Variants in SNX5 observed in about 807,000 individuals in gnomAD.
SNX5 encodes sorting nexin-5.
A neutral mutation model predicts 53.9 loss-of-function variants in SNX5; 31 were observed. That is an observed-to-expected ratio of 0.58 (90% confidence interval 0.43 to 0.78). SNX5 has a LOEUF of 0.78. SNX5 is among the 30% of genes least tolerant of loss of function. The pLI is 0.00. For synonymous variants in SNX5, 168 were observed against 171.1 expected (o/e 0.98, Z 0.14); for missense variants, 471 against 478.8 (o/e 0.98, Z 0.15).
chr20:17,962,949 G>A (rs557597023), intron 1 of SNX5: 10 of 515,372 alleles, frequency 1.9e-5, no homozygotes, highest in South Asian at 1.4e-4. Context: ...CATTTCACAA[G>A]GCTGCAAGCC....
At position 17,950,125 on chromosome 20, in the gene SNX5, A is replaced by T. The variant is rs1407439631; in HGVS notation, c.791+7T>A. On this transcript the variant is annotated splice_region_variant and intron_variant, in intron 8 of 12. Coordinates refer to ENST00000377759, the MANE Select transcript of SNX5 (RefSeq NM_014426.4). ...GTTAGGGGAAATGCTTTTCCAAAAA[A>T]ACTTACTTTTTGATGACTGTGGGCT... is the stretch of plus-strand genomic sequence containing the variant. The T allele has an allele frequency of 1.9e-6, 3 of 1,613,758 alleles. No homozygotes were observed. Among genetic ancestry groups the T allele is most frequent in the Non-Finnish European group, 2.5e-6 (3 of 1,179,760 alleles).
chr20:17,951,269 A>T (rs776875773), intron 6 of SNX5: 3 of 484,254 alleles, frequency 6.2e-6, no homozygotes, highest in African/African-American at 1.9e-5. Flanking sequence ...AGAAAAGGAG[A>T]AAATGAAGCC....
rs947959788 is a variant in SNX5, at chr20:17,948,380, A to AT, written c.918+509dup. On this transcript the variant is annotated intron_variant, in intron 10 of 12. Coordinates refer to ENST00000377759, the MANE Select transcript of SNX5 (RefSeq NM_014426.4). ...ATAAAATTGCATGATGGGGGGAAAA[A>AT]TTTTTTTTACTCTTTTACTTTCTGA... Among the ~76,000 whole-genome samples, 61 of 152,226 alleles carry AT rather than the reference A, an allele frequency of 4.0e-4. 1 individual carries two copies. Among genetic ancestry groups the AT allele is most frequent in the African/African-American group, 1.4e-3 (57 of 41,544 alleles).
At chr20:17,964,289 A>G (rs950592075) in intron 1 of SNX5, among the ~76,000 whole-genome samples, 9 of 152,088 alleles carry the variant, frequency 5.9e-5, no homozygotes, top group Non-Finnish European at 1.3e-4. Flanking sequence ...TAGAATGCTT[A>G]GGAGTGTGCC....
chr20:17,961,169 T>C, intron 1 of SNX5: 4 of 985,446 alleles, frequency 4.1e-6, no homozygotes, highest in Non-Finnish European at 3.6e-6. Context: ...CTGGGGCACA[T>C]CAGACACTGG....
intron 7 of SNX5, 39 bp downstream of exon 7, chr20:17,950,252 T>A (rs1469386032): frequency 6.2e-7 from 1 of 1,611,970 alleles, no homozygotes; most frequent in Non-Finnish European, 8.5e-7. Flanking sequence ...ACAGCCAGGC[T>A]CATCAGCAAA....
intron 12 of SNX5, 93 bp from the exon 13 acceptor site, chr20:17,942,500 G>T: frequency 1.0e-6 from 1 of 959,914 alleles, no homozygotes; most frequent in South Asian, 1.3e-5. Context: ...CTTTTCACGG[G>T]AGGTTTAAAG....
In SNX5 at chr20:17,958,856, G is replaced by A. The variant is rs1447435360; in HGVS notation, c.52-1819C>T. Among the ~76,000 whole-genome samples, 5 of 152,152 alleles carry A rather than the reference G, an allele frequency of 3.3e-5. No individual in the cohort carries two copies. In the East Asian group the frequency reaches 7.7e-4, roughly 23 times the overall value. Reference sequence around the variant, plus strand: ...TCAAATCATTAACTGAGATGTGATTGCAGAGGCTATACCAACGACTCTACT... The same window carrying A: ...TCAAATCATTAACTGAGATGTGATTACAGAGGCTATACCAACGACTCTACT... On this transcript the variant is annotated intron_variant, in intron 1 of 12. Coordinates refer to ENST00000377759, the MANE Select transcript of SNX5 (RefSeq NM_014426.4).
At chr20:17,945,058 C>T (rs2039469078) in intron 11 of SNX5, 1 of 152,220 alleles carries the variant, frequency 6.6e-6, no homozygotes, top group Non-Finnish European at 1.5e-5. Flanking sequence ...ACCCTCCTTC[C>T]TGTCTCTACA....
chr20:17,950,292 T>C lies in SNX5; in HGVS notation c.714A>G (p.Lys238=). The C allele has an allele frequency of 1.2e-6, 2 of 1,611,406 alleles. No homozygotes were observed. The highest frequency in any genetic ancestry group is 1.3e-5 in the African/African-American group (1 of 74,982). Residue 238 remains lysine (K), a splice_region_variant and synonymous_variant, in exon 7 of 13, where the codon AAA becomes AAG. Coordinates refer to ENST00000377759, the MANE Select transcript of SNX5 (RefSeq NM_014426.4). ...VKADKMTRSH[K]NVADDYIHTA... The stretch of plus-strand genomic sequence containing the variant: ...TGACTAGCGGTAAATGATATTTACT[T>C]TTATGAGATCTGGTCATTTTGTCAG...
chr20:17,968,332 G>C, intron 1 of SNX5, 43 bp downstream of exon 1: 1 of 1,250,136 alleles, frequency 8.0e-7, no homozygotes, highest in Non-Finnish European at 1.0e-6. Context: ...CCCGGAGCTC[G>C]CAGGGCCGCC....
intron 12 of SNX5, chr20:17,942,719 G>T (rs1004898237): frequency 1.7e-5 from 7 of 412,248 alleles, no homozygotes; most frequent in Non-Finnish European, 2.6e-5. Flanking sequence ...CTATCAGTGC[G>T]TTGTTCCATG....
intron 1 of SNX5, among the ~76,000 whole-genome samples, chr20:17,966,549 G>T (rs2035540528): frequency 6.6e-6 from 1 of 152,202 alleles, no homozygotes; most frequent in Non-Finnish European, 1.5e-5. Flanking sequence ...AGACACGACT[G>T]ACACAGTATT....
chr20:17,953,904 C>A, intron 4 of SNX5, 92 bp downstream of exon 4: 1 of 1,146,690 alleles, frequency 8.7e-7, no homozygotes, highest in Non-Finnish European at 1.3e-6. Flanking sequence ...GCACTTAAAA[C>A]AAAATTAAGT....
intron 11 of SNX5, chr20:17,945,221 C>G (rs1401904355): frequency 1.3e-5 from 2 of 152,212 alleles, no homozygotes; most frequent in Non-Finnish European, 2.9e-5. Flanking sequence ...TCCCTGCCTT[C>G]CTCTAGACCT....
chr20:17,943,049 C>T, intron 12 of SNX5, 61 bp downstream of exon 12: 2 of 1,221,542 alleles, frequency 1.6e-6, no homozygotes, highest in South Asian at 2.5e-5. Context: ...GGTTAGTAAA[C>T]TGGGAAATAA....
intron 1 of SNX5, among the ~76,000 whole-genome samples, chr20:17,958,633 T>C (rs930810752): frequency 6.6e-6 from 1 of 152,218 alleles, no homozygotes; most frequent in African/African-American, 2.4e-5. Context: ...CATGAATTCT[T>C]GATAACTCCT....
intron 11 of SNX5, among the ~76,000 whole-genome samples, chr20:17,945,995 C>A (rs1433042883): frequency 6.6e-6 from 1 of 152,216 alleles, no homozygotes; most frequent in Non-Finnish European, 1.5e-5. Flanking sequence ...TACTCACATT[C>A]TGGGTAATCC....
chr20:17,951,422 T>C (rs1568590777), intron 6 of SNX5, 78 bp downstream of exon 6: 3 of 824,054 alleles, frequency 3.6e-6, no homozygotes, highest in Non-Finnish European at 6.2e-6. Context: ...GTTTCACAAG[T>C]ATCTCTTTCA....
Sources: gnomAD v4.1 joint callset for allele counts (sites outside exome capture counted in the v4.1 genomes callset) on GRCh38, gnomAD v4.1.1 for gene constraint, MANE v1.5 for transcripts, NCBI Gene and HGNC (gene_info 2026-07-23, HGNC 2026-07-21) for gene names.